The following IL1RAPL1 variants were observed in gnomAD, a reference collection of about 807,000 sequenced individuals.
The protein encoded by IL1RAPL1 is interleukin-1 receptor accessory protein-like 1.
A neutral mutation model predicts 48.4 loss-of-function variants in IL1RAPL1; 3 were observed. The ratio of observed to expected loss-of-function variants is 0.06; its 90% CI spans 0.03 to 0.16. IL1RAPL1 has a LOEUF of 0.16. Ranked by LOEUF, IL1RAPL1 falls within the 10% of genes least tolerant of loss-of-function variation. IL1RAPL1 has a pLI of 1.00. For missense variants in IL1RAPL1, 349 were observed against 530.6 expected (o/e 0.66, Z 3.36); for synonymous variants, 185 against 187.7 (o/e 0.99, Z 0.12).
intron 6 of IL1RAPL1, among the ~76,000 whole-genome samples, chrX:29,756,477 A>G (rs1383279889): frequency 9.0e-6 from 1 of 110,900 alleles, no homozygotes; most frequent in Non-Finnish European, 1.9e-5. Context: ...CAGTGGTACT[A>G]TCTTGGCTCA....
chrX:29,102,565 C>T (rs763876010), intron 2 of IL1RAPL1, among the ~76,000 whole-genome samples: 39 of 108,906 alleles, frequency 3.6e-4, no homozygotes, highest in African/African-American at 7.7e-4. Context: ...ACTCAGGAGG[C>T]GGAGGCAGGA....
At chrX:29,414,928 C>A (rs1039244329) in intron 5 of IL1RAPL1, among the ~76,000 whole-genome samples, 3 of 111,589 alleles carry the variant, frequency 2.7e-5, no homozygotes, top group Non-Finnish European at 3.8e-5. Context: ...GCTAAAGAAA[C>A]TTCTATTGTT....
At chrX:29,468,531 G>A (rs951518737) in intron 5 of IL1RAPL1, among the ~76,000 whole-genome samples, 6 of 99,921 alleles carry the variant, frequency 6.0e-5, no homozygotes, top group African/African-American at 2.1e-4. Flanking sequence ...ATCCTCCTAG[G>A]CATAGTGGCG....
chrX:28,621,064 A>G (rs1392703823), intron 1 of IL1RAPL1, among the ~76,000 whole-genome samples: 3 of 112,190 alleles, frequency 2.7e-5, no homozygotes, highest in Admixed American at 9.5e-5. Context: ...TTCTCTAACT[A>G]CCAGACTAAA....
intron 1 of IL1RAPL1, among the ~76,000 whole-genome samples, chrX:28,594,995 C>T (rs1933939925): frequency 9.0e-6 from 1 of 111,668 alleles, no homozygotes; most frequent in Non-Finnish European, 1.9e-5. Flanking sequence ...ACATCCCTGG[C>T]CATCTTTGTC....
At chrX:29,887,386 G>C (rs914003204) in intron 6 of IL1RAPL1, among the ~76,000 whole-genome samples, 7 of 112,304 alleles carry the variant, frequency 6.2e-5, no homozygotes, top group Non-Finnish European at 1.3e-4. Context: ...TTAGAGCTGT[G>C]TTGCTTCAAC....
chrX:28,734,597 ACT>A (rs1935798986), intron 1 of IL1RAPL1, among the ~76,000 whole-genome samples: 1 of 107,012 alleles, frequency 9.3e-6, no homozygotes, highest in Non-Finnish European at 1.9e-5. Context: ...TAAAACTATA[ACT>A]CTCTAACTCC....
intron 6 of IL1RAPL1, among the ~76,000 whole-genome samples, chrX:29,854,520 G>A (rs1931440134): frequency 9.0e-6 from 1 of 111,447 alleles, no homozygotes; most frequent in South Asian, 3.8e-4. Flanking sequence ...CGTCAGAATT[G>A]ACAAGCCACC....
intron 1 of IL1RAPL1, among the ~76,000 whole-genome samples, chrX:28,725,860 G>A (rs1046431275): frequency 1.8e-5 from 2 of 112,159 alleles, no homozygotes. Context: ...ACACTTTTAA[G>A]AGCAAATTTA....
intron 5 of IL1RAPL1, among the ~76,000 whole-genome samples, chrX:29,501,795 G>GTTTTT (rs36045396): frequency 2.5e-5 from 2 of 80,607 alleles, no homozygotes; most frequent in African/African-American, 9.8e-5. Context: ...GCTTATTTGA[G>GTTTTT]TTTTTTTTTT....
At position 29,875,695 on chromosome X, in the gene IL1RAPL1, G is replaced by A. The variant is rs184024475; in HGVS notation, c.779-41769G>A. On this transcript the variant is annotated intron_variant, in intron 6 of 10. Transcript: ENST00000378993. ...ATCCTATATTTCCATCCCTGACTCAGAATCTATAAATTTCAGTTTAATTTC... is the reference window on the plus strand; with the variant it reads ...ATCCTATATTTCCATCCCTGACTCAAAATCTATAAATTTCAGTTTAATTTC... Among the ~76,000 whole-genome samples, 4 of 111,934 alleles carry A rather than the reference G, an allele frequency of 3.6e-5. No individual in the cohort carries two copies. In the Admixed American group the frequency reaches 3.8e-4, roughly 11 times the overall value.
intron 1 of IL1RAPL1, among the ~76,000 whole-genome samples, chrX:28,640,761 A>G (rs1192554189): frequency 5.4e-5 from 6 of 111,328 alleles, no homozygotes; most frequent in Admixed American, 3.8e-4. Context: ...TGGTTAAACT[A>G]AAACTATATT....
At chrX:28,842,911 C>T (rs56338799) in intron 2 of IL1RAPL1, among the ~76,000 whole-genome samples, 2,651 of 110,857 alleles carry the variant, frequency 0.024, 76 homozygotes, top group African/African-American at 0.082. Context: ...TCATGATGAC[C>T]TCTCAAGATC....
At chrX:28,650,723 A>G (rs1286209339) in intron 1 of IL1RAPL1, among the ~76,000 whole-genome samples, 1 of 111,772 alleles carries the variant, frequency 8.9e-6, no homozygotes. Context: ...GGAAGTTCCT[A>G]CTTAAAAGGT....
chrX:29,608,748 C>T (rs1230971456), intron 5 of IL1RAPL1, among the ~76,000 whole-genome samples: 1 of 101,541 alleles, frequency 9.8e-6, no homozygotes, highest in African/African-American at 3.7e-5. Flanking sequence ...ATGGTGTGAA[C>T]CTGGGAGGCG....
Position 29,417,667 on chromosome X carries a change from A to G in IL1RAPL1, c.703+18359A>G, listed in dbSNP as rs945950905. Among the ~76,000 whole-genome samples, 7 of 111,712 alleles carry G rather than the reference A, an allele frequency of 6.3e-5. No individual in the cohort carries two copies. In the East Asian group the frequency reaches 2.0e-3, roughly 31 times the overall value. On this transcript the variant is annotated intron_variant, in intron 5 of 10. Transcript: ENST00000378993. Reference sequence around the variant, plus strand: ...CAATGTCTCAAGTGATAATTGCAATATGTTTCTCAGGGAAGAAAAAAATAC... The same window carrying G: ...CAATGTCTCAAGTGATAATTGCAATGTGTTTCTCAGGGAAGAAAAAAATAC...
chrX:29,148,489 G>T (rs1602081382), intron 2 of IL1RAPL1, among the ~76,000 whole-genome samples: 1 of 112,013 alleles, frequency 8.9e-6, no homozygotes, highest in Admixed American at 9.5e-5. Context: ...ATCATTAGGT[G>T]AAGATGCTTT....
intron 6 of IL1RAPL1, among the ~76,000 whole-genome samples, chrX:29,829,940 AT>A (rs1393729713): frequency 8.9e-6 from 1 of 112,251 alleles, no homozygotes; most frequent in Admixed American, 9.5e-5. Context: ...TCATTAAAAT[AT>A]GATTCTCTTT....
At chrX:29,876,020 G>T (rs1931894733) in intron 6 of IL1RAPL1, among the ~76,000 whole-genome samples, 1 of 111,253 alleles carries the variant, frequency 9.0e-6, no homozygotes, top group African/African-American at 3.3e-5. Flanking sequence ...GATATAATGT[G>T]TCCACCAAGA....
Sources: gnomAD v4.1 joint callset for allele counts (sites outside exome capture counted in the v4.1 genomes callset) on GRCh38, gnomAD v4.1.1 for gene constraint, MANE v1.5 for transcripts, NCBI Gene and HGNC (gene_info 2026-07-23, HGNC 2026-07-21) for gene names.